Variants in KIF27 observed in about 807,000 individuals in gnomAD.
KIF27 encodes kinesin-like protein KIF27.
In KIF27, 84 loss-of-function variants were observed where a neutral mutation model predicts 141.8. The ratio of observed to expected loss-of-function variants is 0.59; its 90% CI spans 0.50 to 0.71. The LOEUF is 0.71. KIF27 is among the 30% of genes least tolerant of loss of function. The probability of loss-of-function intolerance (pLI) is 0.00; values close to 1 mark genes in which losing one functional copy is unlikely to be tolerated. For missense variants in KIF27, 1,306 were observed against 1,628.4 expected, an observed-to-expected ratio of 0.80 and a Z score of 3.41; for synonymous variants, 471 against 569.5, an observed-to-expected ratio of 0.83 and a Z score of 2.46.
chr9:83,879,725 T>A (rs1434672707), intron 11 of KIF27, among the ~76,000 whole-genome samples: 1 of 152,124 alleles, frequency 6.6e-6, no homozygotes, highest in Admixed American at 6.6e-5. Context: ...TGAGAAAATT[T>A]ATTTTCTCAA....
At chr9:83,838,952 T>G (rs1441247635) in intron 17 of KIF27, 1 of 152,188 alleles carries the variant, frequency 6.6e-6, no homozygotes, top group Non-Finnish European at 1.5e-5. Context: ...CCACAGACAG[T>G]GGCTCCCAAA....
intron 13 of KIF27, chr9:83,860,053 C>G (rs1207876241): frequency 6.6e-6 from 1 of 152,088 alleles, no homozygotes; most frequent in African/African-American, 2.4e-5. Flanking sequence ...TGTGTTTAAA[C>G]ATATGATTGG....
chr9:83,859,431 A>G, intron 13 of KIF27, 60 bp from the exon 14 acceptor site: 5 of 1,108,524 alleles, frequency 4.5e-6, no homozygotes, highest in Non-Finnish European at 5.4e-6. Context: ...AGACTGCATA[A>G]AAATTAGGAA....
chr9:83,846,498 G>A (rs35896699), intron 16 of KIF27, among the ~76,000 whole-genome samples: 7 of 152,172 alleles, frequency 4.6e-5, no homozygotes, highest in African/African-American at 1.7e-4. Flanking sequence ...CTAGATTGAT[G>A]GAACGGTGGA....
In KIF27 at chr9:83,915,886, G is replaced by A. The variant is rs192104814; in HGVS notation, c.-87-208C>T. 1.7e-3 allele frequency among the ~76,000 whole-genome samples: 257 copies of A among 152,160 alleles called. 1 individual carries two copies. The highest frequency in any genetic ancestry group is 5.9e-3 in the African/African-American group (246 of 41,532). On this transcript the variant is annotated intron_variant, in intron 1 of 17. Transcript: ENST00000297814. ...TGCTTCAAAATAATCTAGGTGTGGG[G>A]TCCATGAGTTGATAAATGATGAAGC...
In KIF27 at chr9:83,853,648, A is replaced by C; in HGVS notation, c.3338T>G (p.Leu1113Arg). The part of the protein sequence containing the change: ...CLSPVEIRTI[L>R]FRYFNKVVNL... Reference sequence around the variant, plus strand: ...ACAAACCTTATTGAAATATCTGAAAAGAATAGTTCTAATCTCAACAGGACT... The same window carrying C: ...ACAAACCTTATTGAAATATCTGAAACGAATAGTTCTAATCTCAACAGGACT... Residue 1113 changes from leucine to arginine, a missense_variant, in exon 15 of 18, where the codon CTT becomes CGT. Leu to Arg is a moderately radical substitution (Grantham distance 102). This residue lies in a region of KIF27 where 596 missense variants were observed against 751.6 expected (regional missense o/e 0.79). Transcript: ENST00000297814. 1 of 1,613,452 alleles carries C rather than the reference A, an allele frequency of 6.2e-7. No homozygotes were observed. The highest frequency in any genetic ancestry group is 8.5e-7 in the Non-Finnish European group (1 of 1,179,502).
intron 12 of KIF27, among the ~76,000 whole-genome samples, chr9:83,869,191 G>C (rs944919587): frequency 2.6e-5 from 4 of 151,162 alleles, no homozygotes; most frequent in Non-Finnish European, 5.9e-5. Context: ...CTAAGAAAAT[G>C]TAATGTAAAA....
chr9:83,891,220 T>A, intron 6 of KIF27, 75 bp downstream of exon 6: 1 of 1,222,044 alleles, frequency 8.2e-7, no homozygotes, highest in Non-Finnish European at 1.2e-6. Context: ...TGAGACTGTA[T>A]AAATACACTG....
intron 16 of KIF27, among the ~76,000 whole-genome samples, chr9:83,842,930 C>A (rs558273113): frequency 6.6e-6 from 1 of 152,232 alleles, no homozygotes; most frequent in African/African-American, 2.4e-5. Flanking sequence ...CTCCATCCTA[C>A]CCCCTACCAA....
chr9:83,864,096 C>T (rs1288108482), intron 13 of KIF27, among the ~76,000 whole-genome samples: 1 of 151,890 alleles, frequency 6.6e-6, no homozygotes, highest in Non-Finnish European at 1.5e-5. Flanking sequence ...ACTAGCAGTC[C>T]ATCAATTTTC....
At chr9:83,917,837 C>A (rs189010227) in intron 1 of KIF27, among the ~76,000 whole-genome samples, 2 of 152,044 alleles carry the variant, frequency 1.3e-5, no homozygotes, top group Non-Finnish European at 2.9e-5. Context: ...AGTAAAACTA[C>A]AAAACTCTTA....
intron 2 of KIF27, 25 bp downstream of exon 2, chr9:83,915,269 A>G (rs1166443941): frequency 1.3e-6 from 2 of 1,552,804 alleles, no homozygotes; most frequent in Non-Finnish European, 1.7e-6. Context: ...TCACAAATAA[A>G]AGTCAAAGAG....
intron 1 of KIF27, among the ~76,000 whole-genome samples, chr9:83,920,290 T>A (rs1056306394): frequency 1.2e-4 from 19 of 152,068 alleles, no homozygotes; most frequent in African/African-American, 3.9e-4. Flanking sequence ...ATACAAGAAA[T>A]AAAGTTTTTA....
At chr9:83,917,411 T>C (rs1354919050) in intron 1 of KIF27, among the ~76,000 whole-genome samples, 1 of 152,190 alleles carries the variant, frequency 6.6e-6, no homozygotes, top group Non-Finnish European at 1.5e-5. Context: ...ACAGACTCAA[T>C]GCAATACCTA....
chr9:83,900,122 T>C (rs116647400), intron 4 of KIF27, among the ~76,000 whole-genome samples: 20,085 of 151,974 alleles, frequency 0.13, 1,270 homozygotes, highest in Non-Finnish European at 0.14. Flanking sequence ...TGCTATGAGA[T>C]TTTAATGTGG....
intron 2 of KIF27, among the ~76,000 whole-genome samples, chr9:83,914,909 ATAAAT>A (rs1282132380): frequency 6.6e-6 from 1 of 152,222 alleles, no homozygotes; most frequent in East Asian, 1.9e-4. Context: ...ACTTTACATA[ATAAAT>A]TTTTCCTACG....
At chr9:83,876,118 CCATT>C (rs1224129223) in intron 11 of KIF27, among the ~76,000 whole-genome samples, 1 of 151,898 alleles carries the variant, frequency 6.6e-6, no homozygotes, top group South Asian at 2.1e-4. Context: ...ATTATTATTA[CCATT>C]ATTATGAATA....
chr9:83,879,624 T>C (rs2132183427), intron 11 of KIF27, among the ~76,000 whole-genome samples: 1 of 152,268 alleles, frequency 6.6e-6, no homozygotes, highest in Admixed American at 6.5e-5. Flanking sequence ...CATCATCATC[T>C]TTTTCAAAAA....
intron 13 of KIF27, among the ~76,000 whole-genome samples, chr9:83,861,810 T>C (rs1949945656): frequency 6.6e-6 from 1 of 151,328 alleles, no homozygotes; most frequent in South Asian, 2.1e-4. Context: ...GTAAAAGTGT[T>C]CCTATTTCTC....
Sources: gnomAD v4.1 joint callset for allele counts (sites outside exome capture counted in the v4.1 genomes callset) on GRCh38, gnomAD v4.1.1 for gene constraint, gnomAD v4.1.1 regional missense constraint, MANE v1.5 for transcripts, NCBI Gene and HGNC (gene_info 2026-07-23, HGNC 2026-07-21) for gene names.